NPAS3: variants seen among roughly 807,000 people sequenced by gnomAD.
The protein encoded by NPAS3 is neuronal PAS domain protein 3, also known as neuronal PAS domain-containing protein 3.
A neutral mutation model predicts 73.1 loss-of-function variants in NPAS3; 14 were observed. That is an observed-to-expected ratio of 0.19 (90% confidence interval 0.13 to 0.30). The LOEUF is 0.30. Among genes scored for constraint, NPAS3 ranks in the 10% least tolerant of loss-of-function variants. NPAS3 has a pLI of 1.00. For missense variants in NPAS3, 1,096 were observed against 1,250.0 expected (o/e 0.88, Z 1.86); for synonymous variants, 620 against 541.5 (o/e 1.14, Z -2.01).
intron 3 of NPAS3, among the ~76,000 whole-genome samples, chr14:33,247,013 CAACA>C (rs367720454): frequency 0.019 from 2,904 of 151,382 alleles, 72 homozygotes; most frequent in African/African-American, 0.065. Context: ...TACCCTGTTT[CAACA>C]AACAAACAAA....
Position 33,183,853 on chromosome 14 carries a change from C to T in NPAS3, c.141-31329C>T, listed in dbSNP as rs535136106. ...TTCTCCACTCCTCCTATCTGCAAGC[C>T]ATATTCATGTGCCCCATAAATTGCC... On this transcript the variant is annotated intron_variant, in intron 2 of 11. Transcript: ENST00000356141. 5.3e-5 allele frequency among the ~76,000 whole-genome samples: 8 copies of T among 152,248 alleles called. No homozygotes were observed. The East Asian group carries it at 1.5e-3, about 29-fold the overall frequency.
At chr14:33,606,069 CTTTTA>C (rs869281556) in intron 5 of NPAS3, among the ~76,000 whole-genome samples, 1 of 137,586 alleles carries the variant, frequency 7.3e-6, no homozygotes, top group Non-Finnish European at 1.5e-5. Context: ...AGCTGACTTT[CTTTTA>C]TTATTATTAT....
At chr14:33,248,776 A>C (rs1371368714) in intron 3 of NPAS3, among the ~76,000 whole-genome samples, 1 of 152,246 alleles carries the variant, frequency 6.6e-6, no homozygotes, top group Non-Finnish European at 1.5e-5. Context: ...GTGACCAAGC[A>C]GTCAGGCTAC....
intron 5 of NPAS3, among the ~76,000 whole-genome samples, chr14:33,618,619 A>C (rs2057992594): frequency 6.6e-6 from 1 of 152,186 alleles, no homozygotes; most frequent in Non-Finnish European, 1.5e-5. Flanking sequence ...TCCGATTCCT[A>C]ACAGGCCACG....
chr14:33,541,127 GCA>G (rs756504659), intron 4 of NPAS3, among the ~76,000 whole-genome samples: 3 of 150,006 alleles, frequency 2.0e-5, no homozygotes, highest in East Asian at 2.0e-4. Flanking sequence ...GTGTGTGTGT[GCA>G]TGCACACACA....
intron 3 of NPAS3, among the ~76,000 whole-genome samples, chr14:33,347,339 G>A (rs996791601): frequency 8.5e-5 from 13 of 152,166 alleles, no homozygotes; most frequent in South Asian, 2.1e-4. Flanking sequence ...AAGACCACTC[G>A]TAAATATCTA....
At chr14:33,429,465 C>A (rs1188291409) in intron 4 of NPAS3, among the ~76,000 whole-genome samples, 1 of 152,152 alleles carries the variant, frequency 6.6e-6, no homozygotes, top group Non-Finnish European at 1.5e-5. Context: ...TTCAATTCTG[C>A]AACCATACCC....
intron 4 of NPAS3, among the ~76,000 whole-genome samples, chr14:33,510,855 A>G (rs976441356): frequency 6.6e-6 from 1 of 152,072 alleles, no homozygotes; most frequent in Non-Finnish European, 1.5e-5. Flanking sequence ...CAAATGACTG[A>G]TGCTTTATGT....
rs541441091 is a variant in NPAS3, at chr14:33,381,329, G to A, written c.468+14061G>A. Among the ~76,000 whole-genome samples the A allele has an allele frequency of 5.3e-5, 8 of 152,278 alleles. No homozygotes were observed. The South Asian group carries it at 1.4e-3, about 28-fold the overall frequency. On this transcript the variant is annotated intron_variant, in intron 4 of 11. Transcript: ENST00000356141. ...AAAGTACCCAGGCCTGGTACTTTCA[G>A]TTGGTACCTATTATCTCTGCTCAAT...
At chr14:33,708,603 G>A (rs961617284) in intron 6 of NPAS3, among the ~76,000 whole-genome samples, 2 of 152,176 alleles carry the variant, frequency 1.3e-5, no homozygotes, top group Admixed American at 1.3e-4. Context: ...CGACCTGGAA[G>A]AGGAAGATGA....
intron 3 of NPAS3, among the ~76,000 whole-genome samples, chr14:33,250,368 A>G (rs963991184): frequency 1.8e-4 from 28 of 152,240 alleles, no homozygotes; most frequent in African/African-American, 6.5e-4. Context: ...GGTAACTCTA[A>G]GTAATTGATA....
chr14:33,139,453 GGTGGGAATCTTA>G (rs1172088964), intron 2 of NPAS3, among the ~76,000 whole-genome samples: 1 of 152,182 alleles, frequency 6.6e-6, no homozygotes, highest in African/African-American at 2.4e-5. Flanking sequence ...CAACAGGAGA[GGTGGGAATCTTA>G]TATCATTGGA....
chr14:33,614,908 A>C (rs2057865301), intron 5 of NPAS3, among the ~76,000 whole-genome samples: 1 of 123,690 alleles, frequency 8.1e-6, no homozygotes, highest in Non-Finnish European at 1.6e-5. Flanking sequence ...TGCAAAGCAG[A>C]ATGTAAGAAG....
At chr14:33,386,102 T>C (rs1384623635) in intron 4 of NPAS3, among the ~76,000 whole-genome samples, 1 of 151,886 alleles carries the variant, frequency 6.6e-6, no homozygotes, top group Non-Finnish European at 1.5e-5. Flanking sequence ...GTAGTAGTGC[T>C]CAGGGAAAGT....
At chr14:33,279,641 T>C (rs987428525) in intron 3 of NPAS3, among the ~76,000 whole-genome samples, 2 of 152,094 alleles carry the variant, frequency 1.3e-5, no homozygotes, top group African/African-American at 4.8e-5. Flanking sequence ...CCTATCACCT[T>C]TTCACCCTGG....
chr14:33,742,032 T>C (rs1231959442), intron 7 of NPAS3, among the ~76,000 whole-genome samples: 1 of 152,168 alleles, frequency 6.6e-6, no homozygotes, highest in Non-Finnish European at 1.5e-5. Flanking sequence ...CTCCTAAAAG[T>C]TATTGTTAAT....
chr14:33,397,306 C>T (rs1323182905), intron 4 of NPAS3, among the ~76,000 whole-genome samples: 1 of 152,118 alleles, frequency 6.6e-6, no homozygotes, highest in Non-Finnish European at 1.5e-5. Context: ...AGCCACAATA[C>T]TAGGCACTTT....
In NPAS3 at chr14:33,559,299, T is replaced by C. The variant is rs147586215; in HGVS notation, c.469-822T>C. ...CCCATAAACATTATCCCTTAATGTATTGACATTTCCTGTTGTTCTAACACA... is the reference window on the plus strand; with the variant it reads ...CCCATAAACATTATCCCTTAATGTACTGACATTTCCTGTTGTTCTAACACA... On this transcript the variant is annotated intron_variant, in intron 4 of 11. Transcript: ENST00000356141. Among the ~76,000 whole-genome samples the C allele has an allele frequency of 1.7e-3, 265 of 152,360 alleles. 2 individuals are homozygous for C. Among genetic ancestry groups the C allele is most frequent in the Admixed American group, 5.3e-3 (81 of 15,310 alleles).
intron 5 of NPAS3, among the ~76,000 whole-genome samples, chr14:33,633,793 A>G (rs368217113): frequency 6.6e-6 from 1 of 152,278 alleles, no homozygotes; most frequent in African/African-American, 2.4e-5. Context: ...CAGCCTGGGC[A>G]ACATAGTGAG....
Sources: allele counts gnomAD v4.1 joint callset (sites outside exome capture counted in the v4.1 genomes callset), GRCh38; gene constraint gnomAD v4.1.1; transcripts MANE v1.5; gene names NCBI Gene and HGNC (gene_info 2026-07-23, HGNC 2026-07-21).